PRKAG2: variants seen among roughly 807,000 people sequenced by gnomAD.
PRKAG2 encodes protein kinase AMP-activated non-catalytic subunit gamma 2.
In PRKAG2, 26 loss-of-function variants were observed where a neutral mutation model predicts 69.6. The ratio of observed to expected loss-of-function variants is 0.37; its 90% CI spans 0.27 to 0.52. The LOEUF is 0.52. Ranked by LOEUF, PRKAG2 falls within the 20% of genes least tolerant of loss-of-function variation. PRKAG2 has a pLI of 0.90. For missense variants in PRKAG2, 557 were observed against 740.0 expected (o/e 0.75, Z 2.87); for synonymous variants, 293 against 285.0 (o/e 1.03, Z -0.28).
chr7:151,717,206 C>T (rs1453446546), intron 3 of PRKAG2, among the ~76,000 whole-genome samples: 1 of 148,398 alleles, frequency 6.7e-6, no homozygotes, highest in African/African-American at 2.5e-5. Flanking sequence ...GAGATCGTGA[C>T]ATTGCATTCC....
At chr7:151,574,075 G>A (rs943402341) in intron 8 of PRKAG2, among the ~76,000 whole-genome samples, 6 of 152,326 alleles carry the variant, frequency 3.9e-5, no homozygotes, top group Middle Eastern at 3.4e-3. Flanking sequence ...CACTGTGCCC[G>A]GCAAGAGCAT....
intron 4 of PRKAG2, among the ~76,000 whole-genome samples, chr7:151,669,767 TGTGCACACACTTGCACGCACAC>T (rs1831565173): frequency 2.0e-5 from 3 of 149,550 alleles, no homozygotes; most frequent in Admixed American, 6.6e-5. Context: ...CACACACACC[TGTGCACACACTTGCACGCACAC>T]ACCTGTGCAC....
At chr7:151,731,404 G>A (rs1412741183) in intron 3 of PRKAG2, among the ~76,000 whole-genome samples, 1 of 152,226 alleles carries the variant, frequency 6.6e-6, no homozygotes, top group East Asian at 1.9e-4. Context: ...GCCAGCGGGT[G>A]AACATTTCCA....
chr7:151,560,410 C>G (rs775772495), intron 15 of PRKAG2, 114 bp downstream of exon 15: 1 of 1,604,000 alleles, frequency 6.2e-7, no homozygotes, highest in Non-Finnish European at 8.5e-7. Context: ...GTAATATACT[C>G]AAAGCCTTGA....
At chr7:151,685,542 G>T (rs1217766718) in intron 3 of PRKAG2, among the ~76,000 whole-genome samples, 1 of 152,166 alleles carries the variant, frequency 6.6e-6, no homozygotes, top group Non-Finnish European at 1.5e-5. Context: ...GGCCGAGAAG[G>T]GAGGGGCTGG....
rs183202946 is a variant in PRKAG2 at position 151,610,214 on chromosome 7, C to T, written c.755-14760G>A. Among the ~76,000 whole-genome samples the T allele has an allele frequency of 8.6e-5, 13 of 151,632 alleles. No individual in the cohort carries two copies. In the East Asian group the frequency reaches 2.1e-3, roughly 25 times the overall value. On this transcript the variant is annotated intron_variant, in intron 5 of 15. Transcript: ENST00000287878. ...CCCCGTCTCTACTAAAAATACAAAA[C>T]CAAAATTATCCGGGCATGGTGGCGG...
intron 1 of PRKAG2, among the ~76,000 whole-genome samples, chr7:151,824,335 C>G (rs372521244): frequency 6.6e-6 from 1 of 152,206 alleles, no homozygotes; most frequent in Non-Finnish European, 1.5e-5. Flanking sequence ...TGGTTCCTGA[C>G]TTCCACATTC....
chr7:151,719,603 C>T lies in PRKAG2; in HGVS notation c.467-43966G>A, dbSNP rs1796717632. 6.6e-6 allele frequency among the ~76,000 whole-genome samples: 1 copy of T among 152,134 alleles called. No individual in the cohort carries two copies. Among genetic ancestry groups the T allele is most frequent in the South Asian group, 2.1e-4 (1 of 4,778 alleles). ...CTACCCTCATCCTTCCCGGGCAGTT[C>T]CCCCAGTGAGTCTGGTGTGTGTTGA... On this transcript the variant is annotated intron_variant, in intron 3 of 15. Coordinates refer to ENST00000287878, the MANE Select transcript of PRKAG2 (RefSeq NM_016203.4). This position sits in a 1 kb window ranked among gnomAD's most constrained non-coding sequence, Gnocchi z 5.2.
chr7:151,800,813 G>A (rs2077799639), intron 1 of PRKAG2, among the ~76,000 whole-genome samples: 1 of 152,210 alleles, frequency 6.6e-6, no homozygotes, highest in South Asian at 2.1e-4. Context: ...ACCACCAAGA[G>A]TGAGCCCTAA....
chr7:151,844,353 T>C (rs983918095), intron 1 of PRKAG2, among the ~76,000 whole-genome samples: 1 of 152,004 alleles, frequency 6.6e-6, no homozygotes, highest in Non-Finnish European at 1.5e-5. Flanking sequence ...CTCCGCGAAG[T>C]CGTGTGGGCT....
At chr7:151,843,513 C>T (rs946442003) in intron 1 of PRKAG2, among the ~76,000 whole-genome samples, 7 of 152,206 alleles carry the variant, frequency 4.6e-5, no homozygotes, top group Admixed American at 4.6e-4. Context: ...AAAAAACTCA[C>T]TGATTTATGG....
At chr7:151,778,113 G>A (rs566857015) in intron 3 of PRKAG2, among the ~76,000 whole-genome samples, 19 of 152,108 alleles carry the variant, frequency 1.2e-4, no homozygotes, top group South Asian at 6.3e-4. Flanking sequence ...CCTAGAGGCC[G>A]ACTCAGTGCT....
At chr7:151,805,220 G>A (rs2078043257) in intron 1 of PRKAG2, among the ~76,000 whole-genome samples, 1 of 152,304 alleles carries the variant, frequency 6.6e-6, no homozygotes, top group South Asian at 2.1e-4. Context: ...TCTGCCGCGG[G>A]TGAAACCAGC....
At chr7:151,689,666 A>G (rs1585787416) in intron 3 of PRKAG2, among the ~76,000 whole-genome samples, 1 of 152,168 alleles carries the variant, frequency 6.6e-6, no homozygotes, top group South Asian at 2.1e-4. Context: ...CCGGTGGCAG[A>G]CACTCCCTTC....
chr7:151,765,234 C>G (rs2075670047), intron 3 of PRKAG2, among the ~76,000 whole-genome samples: 1 of 152,144 alleles, frequency 6.6e-6, no homozygotes, highest in South Asian at 2.1e-4. Flanking sequence ...AGGAAACTTA[C>G]AATCATGGCA....
rs1036260182 is a variant in PRKAG2, at chr7:151,632,598, C to G, written c.685-460G>C. 1.0e-6 allele frequency: 1 copy of G among 984,182 alleles called. No homozygotes were observed. Among genetic ancestry groups the G allele is most frequent in the African/African-American group, 1.7e-5 (1 of 57,156 alleles). 61.0% of individuals were successfully genotyped at this position (984,182 alleles called of 1,614,324 possible). On this transcript the variant is annotated intron_variant, in intron 4 of 15. Coordinates refer to ENST00000287878, the MANE Select transcript of PRKAG2 (RefSeq NM_016203.4). The surrounding 1 kb of genome is among the most constrained non-coding windows in gnomAD (Gnocchi z 4.2). ...TCCCAGCACCGGCGGCCGCGCTCGG[C>G]AGGCTCCACCTGCGCAGGTGTGGGC...
intron 3 of PRKAG2, among the ~76,000 whole-genome samples, chr7:151,725,566 A>G (rs1797809104): frequency 6.6e-6 from 1 of 152,162 alleles, no homozygotes; most frequent in African/African-American, 2.4e-5. Flanking sequence ...TGAAGAAAAA[A>G]AAAAAAAGAG....
intron 7 of PRKAG2, chr7:151,576,042 A>C: frequency 2.7e-6 from 1 of 367,828 alleles, no homozygotes; most frequent in Non-Finnish European, 5.1e-6. Context: ...AGTACAGTGC[A>C]GCGATCATGG....
chr7:151,631,992 G>A (rs544009199), intron 5 of PRKAG2, 77 bp downstream of exon 5: 6 of 1,145,306 alleles, frequency 5.2e-6, no homozygotes, highest in Admixed American at 9.6e-5. Context: ...GATGGGGCGC[G>A]GGGTCCCCGC....
Sources: allele counts gnomAD v4.1 joint callset (sites outside exome capture counted in the v4.1 genomes callset), GRCh38; gene constraint gnomAD v4.1.1; non-coding constraint Gnocchi (gnomAD v3.1); transcripts MANE v1.5; gene names NCBI Gene and HGNC (gene_info 2026-07-23, HGNC 2026-07-21).